The following ARHGAP24 variants were observed in gnomAD, a reference collection of about 807,000 sequenced individuals.
ARHGAP24 encodes the protein rho GTPase-activating protein 24.
Under a neutral mutation model 76.4 loss-of-function variants are expected in ARHGAP24, and 50 were observed. The observed-to-expected ratio is 0.65, with a 90% CI of 0.52 to 0.83. ARHGAP24 has a LOEUF of 0.83. Ranked by LOEUF, ARHGAP24 falls within the 40% of genes least tolerant of loss-of-function variation. The pLI is 0.00. For missense variants in ARHGAP24, 930 were observed against 914.2 expected (o/e 1.02, Z -0.22); for synonymous variants, 345 against 323.3 (o/e 1.07, Z -0.72).
rs1724879700 is a variant in ARHGAP24, at chr4:85,523,842, C to CA, written c.-20-46676dup. On this transcript the variant is annotated intron_variant, in intron 1 of 9. Coordinates refer to ENST00000395184, the MANE Select transcript of ARHGAP24 (RefSeq NM_001025616.3). ...GGTTCCTTGGTTAAAAAAAAAAAGG[C>CA]AAAATATTAAAAGAATGGATTCTAT... is the stretch of plus-strand genomic sequence containing the variant. 2.0e-5 allele frequency among the ~76,000 whole-genome samples: 3 copies of CA among 150,750 alleles called. No homozygotes were observed. The Middle Eastern group carries it at 0.01, about 523-fold the overall frequency.
At chr4:85,888,100 G>A (rs1388969733) in intron 3 of ARHGAP24, among the ~76,000 whole-genome samples, 1 of 151,846 alleles carries the variant, frequency 6.6e-6, no homozygotes, top group Non-Finnish European at 1.5e-5. Flanking sequence ...GGTAACTCTC[G>A]ATTTAAGAAA....
chr4:85,786,017 C>CT (rs1727823447), intron 3 of ARHGAP24, among the ~76,000 whole-genome samples: 5 of 151,836 alleles, frequency 3.3e-5, no homozygotes, highest in South Asian at 4.1e-4. Flanking sequence ...AGGACTTAGG[C>CT]TTTTTCTTAA....
chr4:85,878,700 G>C (rs771215207), intron 3 of ARHGAP24, among the ~76,000 whole-genome samples: 1 of 152,056 alleles, frequency 6.6e-6, no homozygotes, highest in Non-Finnish European at 1.5e-5. Context: ...ATTTGTTTCT[G>C]TATAAAAGTC....
chr4:85,776,905 A>C (rs1466280619), intron 3 of ARHGAP24, among the ~76,000 whole-genome samples: 1 of 152,218 alleles, frequency 6.6e-6, no homozygotes, highest in Non-Finnish European at 1.5e-5. Flanking sequence ...GTAAAGCTTA[A>C]GAAGTAAAAG....
At position 85,612,808 on chromosome 4, in the gene ARHGAP24, T is replaced by TTTTTTG. The variant is rs1374824222; in HGVS notation, c.180+42092_180+42093insGTTTTT. 4.9e-5 allele frequency among the ~76,000 whole-genome samples: 7 copies of TTTTTTG among 143,062 alleles called. No homozygotes were observed. In the East Asian group the frequency reaches 1.5e-3, roughly 30 times the overall value. 93.9% of individuals were successfully genotyped at this position (143,062 alleles called of 152,430 possible). On this transcript the variant is annotated intron_variant, in intron 2 of 9. Transcript: ENST00000395184. ...TTTCCATTCCTTTTTTTTTTTTTTT[T>TTTTTTG]TTTTTTGTGGCAATCTCGCTGTGTC...
chr4:85,546,326 T>TA (rs958715294), intron 1 of ARHGAP24, among the ~76,000 whole-genome samples: 31 of 147,874 alleles, frequency 2.1e-4, no homozygotes, highest in Middle Eastern at 3.5e-3. Flanking sequence ...GGCATGAAAT[T>TA]AAAAAAAAAA....
chr4:85,705,986 A>G (rs1173307651), intron 2 of ARHGAP24, among the ~76,000 whole-genome samples: 1 of 152,198 alleles, frequency 6.6e-6, no homozygotes. Flanking sequence ...AGATGTCAAG[A>G]ACCATAGGAT....
chr4:85,920,322 C>T (rs1042084934), intron 3 of ARHGAP24, among the ~76,000 whole-genome samples: 2 of 152,012 alleles, frequency 1.3e-5, no homozygotes, highest in African/African-American at 4.8e-5. Context: ...GTCTCTAAAG[C>T]ATGATCAAGA....
At chr4:85,880,552 G>A (rs1733191699) in intron 3 of ARHGAP24, among the ~76,000 whole-genome samples, 1 of 150,274 alleles carries the variant, frequency 6.7e-6, no homozygotes, top group South Asian at 2.1e-4. Context: ...TGTGTGTGAC[G>A]GAGTCTCGCT....
At chr4:85,625,564 C>T (rs372502663) in intron 2 of ARHGAP24, among the ~76,000 whole-genome samples, 4 of 152,034 alleles carry the variant, frequency 2.6e-5, no homozygotes, top group Non-Finnish European at 4.4e-5. Flanking sequence ...TTAGGGTGGA[C>T]AGTTCTGTAG....
chr4:85,725,120 T>G (rs1047644199), intron 3 of ARHGAP24, among the ~76,000 whole-genome samples: 2 of 151,494 alleles, frequency 1.3e-5, no homozygotes, highest in South Asian at 4.2e-4. Context: ...GCCTTAGCTT[T>G]CTTAGGAAAG....
intron 1 of ARHGAP24, among the ~76,000 whole-genome samples, chr4:85,485,117 G>A (rs552891477): frequency 4.0e-5 from 6 of 151,370 alleles, no homozygotes; most frequent in South Asian, 2.1e-4. Flanking sequence ...AGGCCAAGGC[G>A]GGTGGATCAC....
At chr4:85,784,119 T>C (rs114982985) in intron 3 of ARHGAP24, among the ~76,000 whole-genome samples, 3 of 152,188 alleles carry the variant, frequency 2.0e-5, no homozygotes, top group African/African-American at 7.2e-5. Context: ...CTCTCAGAGG[T>C]TGCTCATGAT....
chr4:85,544,997 G>A (rs1411063361), intron 1 of ARHGAP24, among the ~76,000 whole-genome samples: 1 of 151,804 alleles, frequency 6.6e-6, no homozygotes, highest in African/African-American at 2.4e-5. Context: ...CGTGTCACAC[G>A]GACTGAATTA....
chr4:85,878,702 A>G (rs1733074819), intron 3 of ARHGAP24, among the ~76,000 whole-genome samples: 1 of 152,184 alleles, frequency 6.6e-6, no homozygotes, highest in Non-Finnish European at 1.5e-5. Context: ...TTGTTTCTGT[A>G]TAAAAGTCCC....
chr4:85,825,720 T>C (rs1289017692), intron 3 of ARHGAP24, among the ~76,000 whole-genome samples: 2 of 152,192 alleles, frequency 1.3e-5, no homozygotes, highest in Non-Finnish European at 2.9e-5. Context: ...TTAAAAAAAA[T>C]CAAAACTCAT....
rs561338532 is a variant in ARHGAP24, at chr4:85,483,199, G to A, written c.-21+7640G>A. 2.0e-5 allele frequency among the ~76,000 whole-genome samples: 3 copies of A among 152,238 alleles called. No homozygotes were observed. The East Asian group carries it at 5.8e-4, about 29-fold the overall frequency. On this transcript the variant is annotated intron_variant, in intron 1 of 9. Transcript: ENST00000395184. ...CAGTGACAAACAGGGGGAATCCTGAGCAGTATTTTTCAAATTGTAGGTCTT... is the reference window on the plus strand; with the variant it reads ...CAGTGACAAACAGGGGGAATCCTGAACAGTATTTTTCAAATTGTAGGTCTT...
intron 2 of ARHGAP24, among the ~76,000 whole-genome samples, chr4:85,574,983 C>T (rs910587676): frequency 8.5e-5 from 13 of 152,224 alleles, no homozygotes; most frequent in Non-Finnish European, 1.8e-4. Flanking sequence ...TCAAGGCTCT[C>T]AGCTCTCTGG....
intron 1 of ARHGAP24, among the ~76,000 whole-genome samples, chr4:85,547,556 C>T (rs1725965764): frequency 6.6e-6 from 1 of 152,118 alleles, no homozygotes; most frequent in Non-Finnish European, 1.5e-5. Flanking sequence ...CCACCTCAGC[C>T]TCTTGAGTAG....
Sources: gnomAD v4.1 joint callset for allele counts (sites outside exome capture counted in the v4.1 genomes callset) on GRCh38, gnomAD v4.1.1 for gene constraint, MANE v1.5 for transcripts, NCBI Gene and HGNC (gene_info 2026-07-23, HGNC 2026-07-21) for gene names.